The following BMP6 variants were observed in gnomAD, a reference collection of about 807,000 sequenced individuals.
BMP6 encodes the protein VG-1-R.
Under a neutral mutation model 54.1 loss-of-function variants are expected in BMP6, and 17 were observed. The observed-to-expected ratio is 0.31, with a 90% CI of 0.22 to 0.47. The LOEUF (loss-of-function observed/expected upper bound fraction) is 0.47. BMP6 is among the 20% of genes least tolerant of loss of function. BMP6 has a pLI of 1.00. For missense variants in BMP6, 720 were observed against 690.4 expected, an observed-to-expected ratio of 1.04 and a Z score of -0.48; for synonymous variants, 328 against 291.2, an observed-to-expected ratio of 1.13 and a Z score of -1.28.
chr6:7,831,928 G>A (rs1216053736), intron 1 of BMP6, among the ~76,000 whole-genome samples: 1 of 152,208 alleles, frequency 6.6e-6, no homozygotes, highest in Admixed American at 6.5e-5. Flanking sequence ...GCTCACACGT[G>A]CATTCAACAC....
At chr6:7,862,257 G>A in intron 3 of BMP6, 44 bp from the exon 4 acceptor site, 2 of 1,603,650 alleles carry the variant, frequency 1.2e-6, no homozygotes, top group South Asian at 1.1e-5. Context: ...ACAGGAACAA[G>A]TTTCTGTGGA....
intron 1 of BMP6, among the ~76,000 whole-genome samples, chr6:7,754,273 A>G (rs1245648583): frequency 2.0e-5 from 3 of 151,956 alleles, no homozygotes; most frequent in African/African-American, 7.2e-5. Context: ...ACGTGCCACC[A>G]TGCCTAATTT....
rs1759334023 is a variant in BMP6 at position 7,861,481 on chromosome 6, T to C, written c.888T>C (p.Arg296=). 6.2e-7 allele frequency: 1 copy of C among 1,614,004 alleles called. No individual in the cohort carries two copies. Among genetic ancestry groups the C allele is most frequent in the Admixed American group, 1.7e-5 (1 of 59,988 alleles). ...CTGACCTGTTTTTGTTGGACACCCGTGTAGTATGGGCCTCAGAAGAAGGCT... is the reference window on the plus strand; with the variant it reads ...CTGACCTGTTTTTGTTGGACACCCGCGTAGTATGGGCCTCAGAAGAAGGCT... ...RDSDLFLLDT[R]VVWASEEGWL... Residue 296 remains arginine (R), a synonymous_variant, in exon 3 of 7, where the codon CGT becomes CGC. Coordinates refer to ENST00000283147, the MANE Select transcript of BMP6 (RefSeq NM_001718.6).
intron 1 of BMP6, among the ~76,000 whole-genome samples, chr6:7,841,319 C>T (rs1047051610): frequency 3.3e-5 from 5 of 152,188 alleles, no homozygotes; most frequent in Non-Finnish European, 1.5e-5. Context: ...AAAGTAGGTA[C>T]TGAGGGCTGA....
intron 2 of BMP6, among the ~76,000 whole-genome samples, chr6:7,859,011 A>G (rs1263089344): frequency 1.3e-5 from 2 of 152,032 alleles, no homozygotes; most frequent in Non-Finnish European, 2.9e-5. Flanking sequence ...TCGGTAGCAG[A>G]GTCGGGATGG....
chr6:7,775,692 A>G (rs1177278336), intron 1 of BMP6, among the ~76,000 whole-genome samples: 1 of 152,162 alleles, frequency 6.6e-6, no homozygotes, highest in Admixed American at 6.5e-5. Flanking sequence ...CTGTTACCCT[A>G]TCCCTTGCTT....
chr6:7,842,411 C>T (rs909790068), intron 1 of BMP6, among the ~76,000 whole-genome samples: 1 of 152,140 alleles, frequency 6.6e-6, no homozygotes, highest in Non-Finnish European at 1.5e-5. Context: ...CTCTGTTCTC[C>T]TCTCCCACCC....
chr6:7,869,154 C>T (rs1167717974), intron 4 of BMP6, among the ~76,000 whole-genome samples: 1 of 152,226 alleles, frequency 6.6e-6, no homozygotes, highest in Non-Finnish European at 1.5e-5. Context: ...GCCCTCCAGC[C>T]CCGCGGTGCA....
chr6:7,845,265 A>G lies in BMP6; in HGVS notation c.790A>G (p.Met264Val), dbSNP rs1221411370. 3 of 1,614,010 alleles carry G rather than the reference A, an allele frequency of 1.9e-6. No individual in the cohort carries two copies. The highest frequency in any genetic ancestry group is 3.3e-5 in the Admixed American group (2 of 59,996). Reference sequence around the variant, plus strand: ...ATTCCGCATCTACAAGGACTGTGTTATGGGGAGTTTTAAAAACCAAACTTT... The same window carrying G: ...ATTCCGCATCTACAAGGACTGTGTTGTGGGGAGTTTTAAAAACCAAACTTT... Reference protein sequence around the residue: ...AEFRIYKDCVMGSFKNQTFLI... With the variant: ...AEFRIYKDCVVGSFKNQTFLI... Residue 264 changes from methionine (M) to valine (V), a missense_variant, in exon 2 of 7, where the codon ATG becomes GTG. Physicochemically the swap from Met to Val is conservative, Grantham distance 21. Coordinates refer to ENST00000283147, the MANE Select transcript of BMP6 (RefSeq NM_001718.6).
At chr6:7,856,297 ATACTG>A (rs1299215294) in intron 2 of BMP6, among the ~76,000 whole-genome samples, 1 of 152,140 alleles carries the variant, frequency 6.6e-6, no homozygotes, top group African/African-American at 2.4e-5. Context: ...AACATAATCT[ATACTG>A]TACTTTACGT....
intron 1 of BMP6, among the ~76,000 whole-genome samples, chr6:7,820,065 T>C (rs758182360): frequency 1.2e-4 from 18 of 152,236 alleles, no homozygotes; most frequent in Non-Finnish European, 2.1e-4. Flanking sequence ...ATGTACTTAG[T>C]ATGAAGAATT....
intron 1 of BMP6, among the ~76,000 whole-genome samples, chr6:7,732,328 CAA>C (rs972178891): frequency 1.6e-4 from 24 of 151,888 alleles, no homozygotes; most frequent in African/African-American, 5.6e-4. Context: ...GGCATTTCAA[CAA>C]AAAAAAGTTG....
chr6:7,841,927 AT>A (rs200138873), intron 1 of BMP6, among the ~76,000 whole-genome samples: 4,040 of 152,246 alleles, frequency 0.027, 60 homozygotes, highest in Middle Eastern at 0.041. Context: ...TCATTTTTAG[AT>A]TTTTTATCTC....
intron 1 of BMP6, among the ~76,000 whole-genome samples, chr6:7,776,103 A>G (rs79239442): frequency 0.016 from 2,506 of 152,346 alleles, 27 homozygotes; most frequent in Middle Eastern, 0.034. Flanking sequence ...CAAGAGAGAG[A>G]GTAGAAGGTA....
At chr6:7,822,512 C>G (rs766069675) in intron 1 of BMP6, among the ~76,000 whole-genome samples, 2 of 152,154 alleles carry the variant, frequency 1.3e-5, no homozygotes, top group Non-Finnish European at 2.9e-5. Flanking sequence ...TGATTGCAGC[C>G]AGCAGTGGTG....
At chr6:7,830,178 CCTCT>C (rs1028903684) in intron 1 of BMP6, among the ~76,000 whole-genome samples, 2 of 152,126 alleles carry the variant, frequency 1.3e-5, no homozygotes, top group Non-Finnish European at 2.9e-5. Flanking sequence ...CTCACTCTCT[CCTCT>C]CTCTCATATC....
intron 1 of BMP6, among the ~76,000 whole-genome samples, chr6:7,825,289 G>GAA (rs945916462): frequency 6.6e-6 from 1 of 152,072 alleles, no homozygotes; most frequent in African/African-American, 2.4e-5. Context: ...TAAAAGAAAA[G>GAA]AAAAAGAGAA....
chr6:7,733,081 T>C (rs766260688), intron 1 of BMP6, among the ~76,000 whole-genome samples: 3 of 151,744 alleles, frequency 2.0e-5, no homozygotes, highest in Non-Finnish European at 4.4e-5. Context: ...TTTTTTTGTA[T>C]TTTTAGTGGA....
At chr6:7,761,967 A>C (rs2007473) in intron 1 of BMP6, among the ~76,000 whole-genome samples, 25,609 of 151,942 alleles carry the variant, frequency 0.17, 3,207 homozygotes, top group African/African-American at 0.35. Flanking sequence ...GTGTGATCTC[A>C]GCTCACTGCA....
Sources: allele counts gnomAD v4.1 joint callset (sites outside exome capture counted in the v4.1 genomes callset), GRCh38; gene constraint gnomAD v4.1.1; transcripts MANE v1.5; gene names NCBI Gene and HGNC (gene_info 2026-07-23, HGNC 2026-07-21).